The following INTS4 variants were observed in gnomAD, a reference collection of about 807,000 sequenced individuals.
INTS4 encodes the protein integrator complex subunit 4, also known as MSTP093.
In INTS4, 70 loss-of-function variants were observed where a neutral mutation model predicts 119.5. That is an observed-to-expected ratio of 0.59 (90% confidence interval 0.48 to 0.71). INTS4 has a LOEUF of 0.71. Ranked by LOEUF, INTS4 falls within the 30% of genes least tolerant of loss-of-function variation. The pLI is 0.00. For synonymous variants in INTS4, 316 were observed against 419.6 expected, an observed-to-expected ratio of 0.75 and a Z score of 3.02; for missense variants, 867 against 1,173.2, an observed-to-expected ratio of 0.74 and a Z score of 3.81.
downstream of INTS4, chr11:77,876,935 C>T (rs944853818): frequency 1.4e-6 from 1 of 702,924 alleles, no homozygotes; most frequent in African/African-American, 1.7e-5. Context: ...CATGGTTCTT[C>T]ATGTTTTTGT....
chr11:77,992,849 G>C (rs906542963), intron 1 of INTS4, among the ~76,000 whole-genome samples: 1 of 152,266 alleles, frequency 6.6e-6, no homozygotes, highest in Admixed American at 6.5e-5. Context: ...TAAGTGCTAG[G>C]CACATATCAG....
chr11:77,916,370 T>A (rs1953204448), intron 15 of INTS4, among the ~76,000 whole-genome samples: 1 of 152,210 alleles, frequency 6.6e-6, no homozygotes, highest in Non-Finnish European at 1.5e-5. Context: ...CTGTACAGCA[T>A]GTTACTGTAC....
At chr11:77,936,568 G>C (rs1487416834) in intron 10 of INTS4, among the ~76,000 whole-genome samples, 1 of 152,112 alleles carries the variant, frequency 6.6e-6, no homozygotes, top group Non-Finnish European at 1.5e-5. Flanking sequence ...TTTTTGTAGA[G>C]ATAGGGTCTC....
At chr11:77,952,680 C>T (rs984265240) in intron 8 of INTS4, among the ~76,000 whole-genome samples, 2 of 151,998 alleles carry the variant, frequency 1.3e-5, no homozygotes, top group African/African-American at 4.8e-5. Context: ...GAAATTGTAA[C>T]ACAAGGCATG....
chr11:77,920,240 C>CAT (rs1257964159), intron 14 of INTS4, among the ~76,000 whole-genome samples: 1 of 52,844 alleles, frequency 1.9e-5, no homozygotes, highest in African/African-American at 1.0e-4. Flanking sequence ...TACATATATA[C>CAT]ATATATATAC....
intron 4 of INTS4, among the ~76,000 whole-genome samples, chr11:77,962,808 T>C (rs1246028002): frequency 6.6e-6 from 1 of 151,940 alleles, no homozygotes; most frequent in Admixed American, 6.6e-5. Context: ...GAAAAGTGAA[T>C]GGGACTTGGC....
At chr11:77,942,443 A>T (rs1283846713) in intron 8 of INTS4, among the ~76,000 whole-genome samples, 3 of 152,210 alleles carry the variant, frequency 2.0e-5, no homozygotes, top group Non-Finnish European at 4.4e-5. Context: ...TGCCATAGTA[A>T]GGGGTTTGCC....
intron 4 of INTS4, among the ~76,000 whole-genome samples, chr11:77,968,618 A>G (rs1007527606): frequency 1.3e-5 from 2 of 152,186 alleles, no homozygotes; most frequent in African/African-American, 4.8e-5. Flanking sequence ...CCACTAAACA[A>G]TATGTTTTAA....
Position 77,879,685 on chromosome 11 carries a change from T to C in INTS4, c.2714-558A>G, listed in dbSNP as rs567831013. Among the ~76,000 whole-genome samples, 72 of 152,298 alleles carry C rather than the reference T, an allele frequency of 4.7e-4. 3 individuals are homozygous for C. The South Asian group carries it at 0.015, about 31-fold the overall frequency. Reference sequence around the variant, plus strand: ...TCTTTCATTACATTATCTTACGATATAATCATCTAGTGTCTCTATGTGGCA... The same window carrying C: ...TCTTTCATTACATTATCTTACGATACAATCATCTAGTGTCTCTATGTGGCA... On this transcript the variant is annotated intron_variant, in intron 22 of 22. Coordinates refer to ENST00000534064, the MANE Select transcript of INTS4 (RefSeq NM_033547.4).
intron 2 of INTS4, chr11:77,987,794 A>G: frequency 2.8e-6 from 1 of 357,902 alleles, no homozygotes; most frequent in South Asian, 2.0e-5. Context: ...GGATGGCTTG[A>G]GCCTGGGAGT....
intron 4 of INTS4, among the ~76,000 whole-genome samples, chr11:77,973,534 G>A (rs927910425): frequency 1.3e-5 from 2 of 151,922 alleles, no homozygotes; most frequent in Admixed American, 1.3e-4. Context: ...AATTAAGTAT[G>A]ATGTTTCCTG....
chr11:77,983,316 A>G (rs6592754), intron 2 of INTS4, among the ~76,000 whole-genome samples: 92,808 of 152,064 alleles, frequency 0.61, 28,830 homozygotes, highest in African/African-American at 0.71. Flanking sequence ...GGGTCTCACT[A>G]TGTTGCCGGT....
intron 20 of INTS4, 90 bp from the exon 21 acceptor site, chr11:77,891,552 G>A (rs1952268079): frequency 9.6e-6 from 15 of 1,562,708 alleles, no homozygotes; most frequent in East Asian, 9.0e-5. Flanking sequence ...TATCTAATGA[G>A]TGGGCATGTG....
In INTS4 at chr11:77,932,349, T is replaced by C. The variant is rs141377209; in HGVS notation, c.1166-3802A>G. ...GACATTTATGCGACCAACAAACATA[T>C]TAAAAAAAGCTCATCATCACTGGTC... On this transcript the variant is annotated intron_variant, in intron 10 of 22. Transcript: ENST00000534064. Among the ~76,000 whole-genome samples, 411 of 152,134 alleles carry C rather than the reference T, an allele frequency of 2.7e-3. 4 individuals carry two copies. Among genetic ancestry groups the C allele is most frequent in the African/African-American group, 9.5e-3 (394 of 41,484 alleles).
At chr11:77,987,455 T>C (rs1200455354) in intron 2 of INTS4, 1 of 303,088 alleles carries the variant, frequency 3.3e-6, no homozygotes, top group Non-Finnish European at 6.6e-6. Context: ...CTAAGAAGTA[T>C]TATTATAGAT....
intron 8 of INTS4, among the ~76,000 whole-genome samples, chr11:77,955,496 C>CTT (rs796295814): frequency 1.0e-4 from 14 of 135,508 alleles, no homozygotes; most frequent in South Asian, 2.4e-4. Flanking sequence ...TAATCCCAGC[C>CTT]TTTTTTTTTT....
At chr11:77,935,179 C>T (rs888781482) in intron 10 of INTS4, among the ~76,000 whole-genome samples, 1 of 152,180 alleles carries the variant, frequency 6.6e-6, no homozygotes, top group Non-Finnish European at 1.5e-5. Flanking sequence ...CCAGCTTTAT[C>T]CTCCAAGGAT....
Position 77,963,238 on chromosome 11 carries a change from T to C in INTS4, c.472-2100A>G, listed in dbSNP as rs78634702. Among the ~76,000 whole-genome samples, 690 of 151,104 alleles carry C rather than the reference T, an allele frequency of 4.6e-3. 27 individuals are homozygous for C. In the East Asian group the frequency reaches 0.064, roughly 14 times the overall value. On this transcript the variant is annotated intron_variant, in intron 4 of 22. Transcript: ENST00000534064. ...TAGCCCAAAAGAGAGTCTCATGCTCTCAGGGAAACAATTACAATTTTATGA... is the reference window on the plus strand; with the variant it reads ...TAGCCCAAAAGAGAGTCTCATGCTCCCAGGGAAACAATTACAATTTTATGA...
At chr11:77,974,281 C>T (rs549463096) in intron 4 of INTS4, among the ~76,000 whole-genome samples, 11 of 126,894 alleles carry the variant, frequency 8.7e-5, no homozygotes, top group African/African-American at 2.4e-4. Context: ...CTTGCTCTGT[C>T]GCCCAGGCTG....
Sources: gnomAD v4.1 joint callset for allele counts (sites outside exome capture counted in the v4.1 genomes callset) on GRCh38, gnomAD v4.1.1 for gene constraint, MANE v1.5 for transcripts, NCBI Gene and HGNC (gene_info 2026-07-23, HGNC 2026-07-21) for gene names.